Variants in ACTR8 observed in about 807,000 individuals in gnomAD.
ACTR8 encodes actin related protein 8.
Under a neutral mutation model 84.3 loss-of-function variants are expected in ACTR8, and 70 were observed. The observed-to-expected ratio is 0.83, with a 90% CI of 0.68 to 1.01. The LOEUF is 1.01. Among genes scored for constraint, ACTR8 ranks in the 50% least tolerant of loss-of-function variants. The pLI is 0.00. For synonymous variants in ACTR8, 268 were observed against 275.2 expected (o/e 0.97, Z 0.26); for missense variants, 672 against 775.4 (o/e 0.87, Z 1.58).
chr3:53,872,979 T>C (rs779917763), intron 9 of ACTR8, 53 bp downstream of exon 9: 28 of 1,373,834 alleles, frequency 2.0e-5, no homozygotes, highest in Non-Finnish European at 2.8e-5. Flanking sequence ...CTCAGTTTGA[T>C]TGAACCTGGA....
At chr3:53,873,998 G>A (rs921872034) in intron 8 of ACTR8, among the ~76,000 whole-genome samples, 3 of 151,990 alleles carry the variant, frequency 2.0e-5, no homozygotes, top group Admixed American at 6.6e-5. Context: ...CTAATTTTTT[G>A]TATTTTTATT....
chr3:53,864,975 C>T (rs577437282), downstream of ACTR8: 244 of 1,614,138 alleles, frequency 1.5e-4, no homozygotes, highest in South Asian at 2.4e-3. Context: ...CAGACAAAGT[C>T]GTCTTCCTTC....
rs145261930 is a variant in ACTR8 at position 53,871,431 on chromosome 3, A to G, written c.1368T>C (p.Arg456=). ...TTTCTGGAAGATCAGAGGACTGGCC[A>G]CGAAGATCCCCTTCAAATCCAATAG... The part of the protein sequence containing the change: ...SKPIGFEGDL[R]GQSSDLPERL... Residue 456 remains arginine, a synonymous_variant, in exon 11 of 13, where the codon CGT becomes CGC. Transcript: ENST00000335754. 1,955 of 1,614,218 alleles carry G rather than the reference A, an allele frequency of 1.2e-3. 4 individuals are homozygous for G. Among genetic ancestry groups the G allele is most frequent in the Non-Finnish European group, 1.6e-3 (1,855 of 1,180,038 alleles).
At position 53,872,276 on chromosome 3, in the gene ACTR8, G is replaced by C. The variant is rs183902370; in HGVS notation, c.1302+108C>G. On this transcript the variant is annotated intron_variant, in intron 10 of 12. Transcript: ENST00000335754. Reference sequence around the variant, plus strand: ...ATCTACAATTCTAAAAGCTATATCAGTGTTATTATGCTGGAAGATAGAACT... The same window carrying C: ...ATCTACAATTCTAAAAGCTATATCACTGTTATTATGCTGGAAGATAGAACT... 105 of 1,215,228 alleles carry C rather than the reference G, an allele frequency of 8.6e-5. No individual in the cohort carries two copies. The African/African-American group carries it at 1.6e-3, about 18-fold the overall frequency. 75.3% of individuals were successfully genotyped at this position (1,215,228 alleles called of 1,614,324 possible).
rs757876108 is a variant in ACTR8 at position 53,873,033 on chromosome 3, T to G, written c.1160A>C (p.Gln387Pro). 12 of 1,606,900 alleles carry G rather than the reference T, an allele frequency of 7.5e-6. No individual in the cohort carries two copies. In the East Asian group the frequency reaches 1.6e-4, roughly 21 times the overall value. Residue 387 changes from glutamine (Q) to proline (P), a missense_variant and splice_region_variant, in exon 9 of 13, where the codon CAG (glutamine) becomes CCG (proline). By Grantham distance (76) the Gln-to-Pro change is moderately conservative. Coordinates refer to ENST00000335754, the MANE Select transcript of ACTR8 (RefSeq NM_022899.5). ...TGGAAACAGATACCTATAAGTTACCTGCAGTTTTTCATCTCCTAATCGAAA... is the reference window on the plus strand; with the variant it reads ...TGGAAACAGATACCTATAAGTTACCGGCAGTTTTTCATCTCCTAATCGAAA... The part of the protein sequence containing the change: ...YQFRLGDEKL[Q>P]APMALFYPAT...
In ACTR8 at chr3:53,874,286, T is replaced by C. The variant is rs1297537903; in HGVS notation, c.990A>G (p.Arg330=). The C allele has an allele frequency of 6.2e-7, 1 of 1,614,206 alleles. No homozygotes were observed. The highest frequency in any genetic ancestry group is 8.5e-7 in the Non-Finnish European group (1 of 1,180,024). The stretch of plus-strand genomic sequence containing the variant: ...CCATTTTATTTGTTAACTGGCATTC[T>C]CTGTAAGGGAACCCAGCTCGCTGCA... ...WLMQRAGFPY[R]ECQLTNKMDC... Residue 330 remains arginine, a synonymous_variant, in exon 8 of 13, where the codon AGA becomes AGG. Coordinates refer to ENST00000335754, the MANE Select transcript of ACTR8 (RefSeq NM_022899.5).
chr3:53,860,234 G>A, the ACTR8 span: 10 of 1,603,978 alleles, frequency 6.2e-6, no homozygotes, highest in Non-Finnish European at 8.5e-6. Context: ...GCACGGTAAG[G>A]GTTATAATTC....
At chr3:53,859,734 C>CTTCCTG in the ACTR8 span, 24 of 157,450 alleles carry the variant, frequency 1.5e-4, no homozygotes, top group Non-Finnish European at 2.9e-4. Context: ...CTGTTCTTAA[C>CTTCCTG]TTCCTGGGTC....
At chr3:53,869,845 G>A in intron 12 of ACTR8, 137 bp downstream of exon 12, 1 of 1,033,582 alleles carries the variant, frequency 9.7e-7, no homozygotes, top group Non-Finnish European at 1.4e-6. Flanking sequence ...ATGGCTTGCT[G>A]AAATTAACTT....
chr3:53,869,097 C>T (rs571074773), intron 12 of ACTR8, among the ~76,000 whole-genome samples: 7 of 152,306 alleles, frequency 4.6e-5, no homozygotes, highest in African/African-American at 4.8e-5. Flanking sequence ...CTGGCTAACA[C>T]GGTGGAATGC....
chr3:53,879,896 G>C, intron 2 of ACTR8, 43 bp downstream of exon 2: 1 of 1,541,552 alleles, frequency 6.5e-7, no homozygotes, highest in Non-Finnish European at 8.8e-7. Context: ...GCCCTCCCAG[G>C]GAAACAACCT....
chr3:53,878,220 A>C, intron 3 of ACTR8, 137 bp downstream of exon 3: 1 of 720,754 alleles, frequency 1.4e-6, no homozygotes, highest in Non-Finnish European at 2.4e-6. Flanking sequence ...GGTATTCTTT[A>C]AGTGGTTATG....
intron 12 of ACTR8, among the ~76,000 whole-genome samples, chr3:53,869,203 C>G (rs992838739): frequency 6.6e-6 from 1 of 152,190 alleles, no homozygotes; most frequent in Non-Finnish European, 1.5e-5. Context: ...ATGGCGTGAA[C>G]CCGGGAGGCA....
chr3:53,876,235 T>C (rs903194847), intron 6 of ACTR8, among the ~76,000 whole-genome samples, 155 bp from the exon 7 acceptor site: 1 of 152,062 alleles, frequency 6.6e-6, no homozygotes, highest in East Asian at 1.9e-4. Flanking sequence ...AATAAGTCAG[T>C]AGGCCCGGCG....
intron 9 of ACTR8, 108 bp downstream of exon 9, chr3:53,872,924 A>G (rs12632292): frequency 0.34 from 290,124 of 864,002 alleles, 51,693 homozygotes; most frequent in East Asian, 0.62. Context: ...ATCTACAATC[A>G]GTTGACATTC....
chr3:53,881,180 C>T (rs1215126055), intron 1 of ACTR8, among the ~76,000 whole-genome samples: 1 of 152,178 alleles, frequency 6.6e-6, no homozygotes, highest in African/African-American at 2.4e-5. Flanking sequence ...AGCTGCCCTA[C>T]TAGTTAGGTA....
chr3:53,878,525 T>A, intron 2 of ACTR8, 58 bp from the exon 3 acceptor site: 1 of 999,086 alleles, frequency 1.0e-6, no homozygotes, highest in Non-Finnish European at 1.6e-6. Context: ...ACAAAGCAAT[T>A]CAAAAACTAC....
intron 5 of ACTR8, 44 bp downstream of exon 5, chr3:53,877,170 A>C: frequency 1.3e-6 from 2 of 1,531,790 alleles, no homozygotes; most frequent in Non-Finnish European, 1.8e-6. Context: ...TTCATTGACC[A>C]AGAATCTTAA....
Position 53,877,231 on chromosome 3 carries a change from G to T in ACTR8, c.667C>A (p.Pro223Thr). 6.2e-7 allele frequency: 1 copy of T among 1,601,756 alleles called. No homozygotes were observed. Among genetic ancestry groups the T allele is most frequent in the Non-Finnish European group, 8.5e-7 (1 of 1,175,942 alleles). ...TAGCTCACCTTTAAATCTTTCAGTGGGATTTCCAAGTATTTTTGTATCGCA... is the reference window on the plus strand; with the variant it reads ...TAGCTCACCTTTAAATCTTTCAGTGTGATTTCCAAGTATTTTTGTATCGCA... ...SHAIQKYLEI[P>T]LKDLKYYRCI... is the part of the protein sequence containing the mutation. The change falls in exon 5 of 13, where the codon CCA becomes ACA. Residue 223 changes from proline to threonine, a missense_variant. By Grantham distance (38) the Pro-to-Thr change is conservative. Coordinates refer to ENST00000335754, the MANE Select transcript of ACTR8 (RefSeq NM_022899.5).
Sources: gnomAD v4.1 joint callset for allele counts (sites outside exome capture counted in the v4.1 genomes callset) on GRCh38, gnomAD v4.1.1 for gene constraint, MANE v1.5 for transcripts, NCBI Gene and HGNC (gene_info 2026-07-23, HGNC 2026-07-21) for gene names.